The following MACROD2 variants were observed in gnomAD, a reference collection of about 807,000 sequenced individuals.
The protein encoded by MACROD2 is mono-ADP ribosylhydrolase 2.
In MACROD2, 36 loss-of-function variants were observed where a neutral mutation model predicts 70.4. The ratio of observed to expected loss-of-function variants is 0.51; its 90% CI spans 0.39 to 0.68. MACROD2 has a LOEUF of 0.68. Ranked by LOEUF, MACROD2 falls within the 30% of genes least tolerant of loss-of-function variation. The pLI, the probability that MACROD2 is intolerant of heterozygous loss-of-function variation, is 0.00. For synonymous variants in MACROD2, 172 were observed against 178.8 expected (o/e 0.96, Z 0.30); for missense variants, 496 against 538.4 (o/e 0.92, Z 0.78).
At chr20:15,168,199 C>T (rs761974850) in intron 5 of MACROD2, among the ~76,000 whole-genome samples, 66 of 152,190 alleles carry the variant, frequency 4.3e-4, no homozygotes, top group African/African-American at 6.3e-4. Flanking sequence ...TGTGGTGGAG[C>T]GATCACTGGG....
At chr20:14,834,140 A>C (rs1043035231) in intron 5 of MACROD2, among the ~76,000 whole-genome samples, 1 of 151,978 alleles carries the variant, frequency 6.6e-6, no homozygotes, top group Non-Finnish European at 1.5e-5. Flanking sequence ...TGCTTTTTGC[A>C]TTTCTATGAA....
intron 4 of MACROD2, among the ~76,000 whole-genome samples, chr20:14,558,510 T>C (rs1979204096): frequency 6.6e-6 from 1 of 151,694 alleles, no homozygotes; most frequent in Non-Finnish European, 1.5e-5. Context: ...ATATATACCA[T>C]GTAAACATGA....
Position 15,585,345 on chromosome 20 carries a change from C to T in MACROD2, c.645+85498C>T, listed in dbSNP as rs555885321. Among the ~76,000 whole-genome samples, 6 of 152,038 alleles carry T rather than the reference C, an allele frequency of 3.9e-5. No homozygotes were observed. In the South Asian group the frequency reaches 1.0e-3, roughly 26 times the overall value. On this transcript the variant is annotated intron_variant, in intron 8 of 17. Coordinates refer to ENST00000684519, the MANE Select transcript of MACROD2 (RefSeq NM_001351661.2). ...CTGAGTAGCTGGGATTACAGGCATGCAGCATTGTGCCTAGATAATTTTTTG... is the reference window on the plus strand; with the variant it reads ...CTGAGTAGCTGGGATTACAGGCATGTAGCATTGTGCCTAGATAATTTTTTG...
chr20:15,243,789 A>T (rs2077081495), intron 6 of MACROD2, among the ~76,000 whole-genome samples: 2 of 151,268 alleles, frequency 1.3e-5, no homozygotes, highest in South Asian at 4.2e-4. Flanking sequence ...AGCGGGGCGT[A>T]GTGGCGGGTG....
Position 14,439,504 on chromosome 20 carries a change from T to TTG in MACROD2, c.272-53963_272-53962dup, listed in dbSNP as rs373931864. ...TTTAAAATATCTAATTTTAGGGATT[T>TTG]TGTGTGTGTGTGTATGTATATAAGA... On this transcript the variant is annotated intron_variant, in intron 3 of 17. Coordinates refer to ENST00000684519, the MANE Select transcript of MACROD2 (RefSeq NM_001351661.2). Among the ~76,000 whole-genome samples the TTG allele has an allele frequency of 3.6e-4, 54 of 152,010 alleles. 1 individual carries two copies. Among genetic ancestry groups the TTG allele is most frequent in the Admixed American group, 2.7e-3 (41 of 15,242 alleles).
rs75883772 is a variant in MACROD2, at chr20:15,709,220, G to C, written c.646-153525G>C. 8.5e-3 allele frequency among the ~76,000 whole-genome samples: 1,290 copies of C among 152,316 alleles called. 11 individuals carry two copies. Among genetic ancestry groups the C allele is most frequent in the Non-Finnish European group, 0.014 (938 of 68,034 alleles). The stretch of plus-strand genomic sequence containing the variant: ...GCGGTGCACCGCAAAGTCGGGCTGT[G>C]GTGGCCCTGCAGATGGCGGTGAACG... On this transcript the variant is annotated intron_variant, in intron 8 of 17. Transcript: ENST00000684519.
chr20:14,424,974 A>G (rs1203699245), intron 3 of MACROD2, among the ~76,000 whole-genome samples: 1 of 152,222 alleles, frequency 6.6e-6, no homozygotes, highest in Non-Finnish European at 1.5e-5. Flanking sequence ...ATTCCTTTGC[A>G]GTCTAGACAT....
intron 5 of MACROD2, among the ~76,000 whole-genome samples, chr20:15,191,158 C>A (rs940458665): frequency 2.0e-5 from 3 of 152,158 alleles, no homozygotes; most frequent in African/African-American, 7.2e-5. Context: ...GGGCTCATTT[C>A]CACTGAGGTT....
intron 6 of MACROD2, among the ~76,000 whole-genome samples, chr20:15,421,343 C>T (rs939856905): frequency 2.6e-5 from 4 of 151,198 alleles, no homozygotes; most frequent in Non-Finnish European, 5.9e-5. Flanking sequence ...CCTGCCACTG[C>T]ACTCCAACCT....
At chr20:16,004,974 C>T (rs1045187967) in intron 15 of MACROD2, among the ~76,000 whole-genome samples, 1 of 152,220 alleles carries the variant, frequency 6.6e-6, no homozygotes, top group Non-Finnish European at 1.5e-5. Context: ...CCTGGATGTC[C>T]GCCTTGGCCT....
chr20:15,596,920 G>C (rs1301958804), intron 8 of MACROD2, among the ~76,000 whole-genome samples: 1 of 152,160 alleles, frequency 6.6e-6, no homozygotes, highest in Admixed American at 6.5e-5. Flanking sequence ...GGCTTAATAG[G>C]ATGTTAAAAT....
intron 3 of MACROD2, among the ~76,000 whole-genome samples, chr20:14,291,930 A>G (rs912002161): frequency 6.6e-6 from 1 of 151,930 alleles, no homozygotes; most frequent in Non-Finnish European, 1.5e-5. Flanking sequence ...AGTGCTCTCA[A>G]GAGAGTCCTG....
At chr20:15,563,813 A>G (rs1204407549) in intron 8 of MACROD2, among the ~76,000 whole-genome samples, 1 of 152,230 alleles carries the variant, frequency 6.6e-6, no homozygotes, top group Non-Finnish European at 1.5e-5. Context: ...TCTTACTAGC[A>G]GAGGAAACAA....
chr20:15,616,162 G>A (rs1362783496), intron 8 of MACROD2, among the ~76,000 whole-genome samples: 1 of 147,128 alleles, frequency 6.8e-6, no homozygotes, highest in Non-Finnish European at 1.5e-5. Flanking sequence ...GGAGTGCAGT[G>A]GTGTGATCTC....
At chr20:14,158,956 G>T (rs557654163) in intron 3 of MACROD2, among the ~76,000 whole-genome samples, 1 of 152,046 alleles carries the variant, frequency 6.6e-6, no homozygotes, top group African/African-American at 2.4e-5. Flanking sequence ...AATAACATTG[G>T]CCAGGCATGG....
intron 5 of MACROD2, among the ~76,000 whole-genome samples, chr20:14,972,120 C>T (rs181266975): frequency 6.6e-6 from 1 of 152,378 alleles, no homozygotes; most frequent in East Asian, 1.9e-4. Context: ...GTTTTGCCTG[C>T]TGTAAACATG....
chr20:15,738,021 G>A (rs1341668527), intron 8 of MACROD2, among the ~76,000 whole-genome samples: 1 of 152,168 alleles, frequency 6.6e-6, no homozygotes, highest in Non-Finnish European at 1.5e-5. Context: ...CATGGAGATA[G>A]ACAGTAGAAC....
At chr20:14,325,803 C>A (rs1202017402) in intron 3 of MACROD2, 2 of 1,613,814 alleles carry the variant, frequency 1.2e-6, no homozygotes, top group Non-Finnish European at 1.7e-6. Flanking sequence ...TTCTTCTCCT[C>A]CCTTTGCTAT....
intron 3 of MACROD2, among the ~76,000 whole-genome samples, chr20:14,231,408 C>T (rs966832666): frequency 7.2e-5 from 11 of 152,058 alleles, no homozygotes; most frequent in South Asian, 6.2e-4. Flanking sequence ...TTTGTCCTTG[C>T]GATAGTTTGC....
Sources: gnomAD v4.1 joint callset for allele counts (sites outside exome capture counted in the v4.1 genomes callset) on GRCh38, gnomAD v4.1.1 for gene constraint, MANE v1.5 for transcripts, NCBI Gene and HGNC (gene_info 2026-07-23, HGNC 2026-07-21) for gene names.